The following CCNB3 variants were observed in gnomAD, a reference collection of about 807,000 sequenced individuals.
CCNB3 encodes cyclin B3.
In CCNB3, 12 loss-of-function variants were observed where a neutral mutation model predicts 68.0. The observed-to-expected ratio is 0.18, with a 90% CI of 0.11 to 0.29. The LOEUF (loss-of-function observed/expected upper bound fraction) is 0.29. Ranked by LOEUF, CCNB3 falls within the 10% of genes least tolerant of loss-of-function variation. The pLI is 1.00. For missense variants in CCNB3, 904 were observed against 993.1 expected (o/e 0.91, Z 1.21); for synonymous variants, 354 against 388.9 (o/e 0.91, Z 1.06).
intron 8 of CCNB3, among the ~76,000 whole-genome samples, chrX:50,333,324 A>G (rs1557218356): frequency 9.0e-6 from 1 of 111,636 alleles, no homozygotes; most frequent in Admixed American, 9.5e-5. Context: ...ATCCAGAGTA[A>G]GTACACACAC....
At chrX:50,288,970 C>G in intron 4 of CCNB3, 83 bp downstream of exon 4, 1 of 597,101 alleles carries the variant, frequency 1.7e-6, no homozygotes, top group Non-Finnish European at 2.6e-6. Flanking sequence ...TCCACTTTAC[C>G]AGACCCTCTC....
intron 7 of CCNB3, 151 bp from the exon 8 acceptor site, chrX:50,313,705 C>T (rs1921583585): frequency 2.5e-6 from 1 of 407,694 alleles, no homozygotes; most frequent in Non-Finnish European, 4.2e-6. Context: ...ATAACTGCAA[C>T]TTGCCTGGAA....
At chrX:50,280,226 A>T (rs1206370275) in intron 1 of CCNB3, among the ~76,000 whole-genome samples, 1 of 87,864 alleles carries the variant, frequency 1.1e-5, no homozygotes, top group Non-Finnish European at 2.1e-5. Flanking sequence ...AATATATATA[A>T]ATATATGTAT....
chrX:50,214,475 C>CTTATATATATATATATATATATAT (rs1485494368), intron 1 of CCNB3, among the ~76,000 whole-genome samples: 2 of 9,490 alleles, frequency 2.1e-4, no homozygotes, highest in Admixed American at 5.2e-3. Context: ...AGCTGTGGCC[C>CTTATATATATATATATATATATAT]ATATATATAT....
chrX:50,212,020 A>C lies in CCNB3; in HGVS notation c.-113+7070A>C, dbSNP rs1935490730. ...CTGGTGATGTTGAGATGATTATGAC[A>C]ATAGTGATGGTGTTGATAATAAGAG... On this transcript the variant is annotated intron_variant, in intron 1 of 12. Transcript: ENST00000376042. Among the ~76,000 whole-genome samples, 4 of 112,270 alleles carry C rather than the reference A, an allele frequency of 3.6e-5. No individual in the cohort carries two copies. The South Asian group carries it at 1.5e-3, about 42-fold the overall frequency.
intron 1 of CCNB3, among the ~76,000 whole-genome samples, chrX:50,210,982 C>T (rs1480857263): frequency 9.0e-6 from 1 of 111,653 alleles, no homozygotes; most frequent in Non-Finnish European, 1.9e-5. Context: ...GTACTTGAGG[C>T]CTGGTGCAGT....
At chrX:50,212,401 G>A (rs1467315212) in intron 1 of CCNB3, among the ~76,000 whole-genome samples, 2 of 112,067 alleles carry the variant, frequency 1.8e-5, no homozygotes, top group Non-Finnish European at 3.8e-5. Flanking sequence ...TGTAGTAACT[G>A]ACTAACTGGT....
intron 9 of CCNB3, among the ~76,000 whole-genome samples, 190 bp from the exon 10 acceptor site, chrX:50,346,462 G>A (rs1161363520): frequency 9.0e-6 from 1 of 111,245 alleles, no homozygotes; most frequent in Non-Finnish European, 1.9e-5. Flanking sequence ...TTTGGGGCAG[G>A]CCTCTCCTGT....
intron 5 of CCNB3, among the ~76,000 whole-genome samples, chrX:50,296,206 G>A (rs1045918799): frequency 8.5e-5 from 9 of 105,365 alleles, no homozygotes; most frequent in Admixed American, 6.2e-4. Flanking sequence ...ATGTACACAT[G>A]TGCCATGTTG....
At position 50,308,854 on chromosome X, in the gene CCNB3, T is replaced by C. The variant is rs1189321808; in HGVS notation, c.685T>C (p.Leu229=). The C allele has an allele frequency of 8.3e-7, 1 of 1,211,024 alleles. No individual in the cohort carries two copies. The highest frequency in any genetic ancestry group is 1.8e-5 in the South Asian group (1 of 56,869). ...GGAGGCAGCCATCACCAAGAAGACATTATCCTTAAAGAAGAAGATGTGTGC... is the reference window on the plus strand; with the variant it reads ...GGAGGCAGCCATCACCAAGAAGACACTATCCTTAAAGAAGAAGATGTGTGC... The part of the protein sequence containing the change: ...TEEAAITKKT[L]SLKKKMCASQ... The change falls in exon 6 of 13, where the codon TTA becomes CTA. Residue 229 remains leucine, a synonymous_variant. Transcript: ENST00000376042.
intron 1 of CCNB3, among the ~76,000 whole-genome samples, chrX:50,219,817 G>A (rs1280922620): frequency 9.0e-6 from 1 of 111,528 alleles, no homozygotes; most frequent in Admixed American, 9.6e-5. Context: ...GAAAGTCAAT[G>A]GTAACTTGAT....
At chrX:50,228,736 A>G (rs2147004712) in intron 1 of CCNB3, among the ~76,000 whole-genome samples, 1 of 72,192 alleles carries the variant, frequency 1.4e-5, no homozygotes, top group South Asian at 7.0e-4. Context: ...TATAGAATAT[A>G]GAAACATATA....
intron 8 of CCNB3, among the ~76,000 whole-genome samples, chrX:50,319,989 A>G (rs1278627932): frequency 9.0e-6 from 1 of 110,640 alleles, no homozygotes; most frequent in Non-Finnish European, 1.9e-5. Context: ...TTTTCTTTTT[A>G]GGTATTGCTG....
intron 5 of CCNB3, among the ~76,000 whole-genome samples, chrX:50,306,604 T>G (rs1282425203): frequency 8.9e-6 from 1 of 111,899 alleles, no homozygotes; most frequent in Non-Finnish European, 1.9e-5. Flanking sequence ...TGCTTTGGGT[T>G]TTTTTGTAGA....
chrX:50,314,982 C>T (rs1921647834), intron 8 of CCNB3, among the ~76,000 whole-genome samples: 1 of 111,552 alleles, frequency 9.0e-6, no homozygotes, highest in African/African-American at 3.3e-5. Context: ...TCTCTGCCAG[C>T]TGGAATGATG....
chrX:50,345,947 A>AG lies in CCNB3; in HGVS notation c.3655-702dup, dbSNP rs1342436874. Among the ~76,000 whole-genome samples the AG allele has an allele frequency of 4.4e-5, 5 of 112,451 alleles. 1 individual carries two copies. In the Admixed American group the frequency reaches 4.7e-4, roughly 11 times the overall value. Reference sequence around the variant, plus strand: ...CTGTTGCGGGCAGTAAGCTGCAGGTAGGGAGAAGAATTAGGGGCCTTCCTG... The same window carrying AG: ...CTGTTGCGGGCAGTAAGCTGCAGGTAGGGGAGAAGAATTAGGGGCCTTCCTG... On this transcript the variant is annotated intron_variant, in intron 9 of 12. Transcript: ENST00000376042.
At chrX:50,218,616 C>CT (rs1935618986) in intron 1 of CCNB3, among the ~76,000 whole-genome samples, 3 of 111,735 alleles carry the variant, frequency 2.7e-5, no homozygotes, top group East Asian at 2.8e-4. Flanking sequence ...TGAACTCATC[C>CT]TTTTTTATGG....
At chrX:50,279,532 A>T (rs1354774227) in intron 1 of CCNB3, among the ~76,000 whole-genome samples, 2 of 84,606 alleles carry the variant, frequency 2.4e-5, no homozygotes, top group Non-Finnish European at 4.3e-5. Flanking sequence ...AAGATATATG[A>T]ATATATATTC....
chrX:50,295,104 A>G, intron 5 of CCNB3, 111 bp downstream of exon 5: 11 of 819,463 alleles, frequency 1.3e-5, no homozygotes, highest in Non-Finnish European at 1.9e-5. Flanking sequence ...TACCACATTA[A>G]CCCTGGGTGC....
Sources: gnomAD v4.1 joint callset for allele counts (sites outside exome capture counted in the v4.1 genomes callset) on GRCh38, gnomAD v4.1.1 for gene constraint, MANE v1.5 for transcripts, NCBI Gene and HGNC (gene_info 2026-07-23, HGNC 2026-07-21) for gene names.